Variants in DIP2C observed in about 807,000 individuals in gnomAD.
DIP2C encodes the protein DIP2 acetate--CoA ligase C (putative).
Under a neutral mutation model 192.4 loss-of-function variants are expected in DIP2C, and 33 were observed. The ratio of observed to expected loss-of-function variants is 0.17; its 90% confidence interval spans 0.13 to 0.23. The LOEUF (loss-of-function observed/expected upper bound fraction) is 0.23. DIP2C is among the 10% of genes least tolerant of loss of function. The pLI is 1.00. For missense variants in DIP2C, 1,537 were observed against 2,110.1 expected (o/e 0.73, Z 5.32); for synonymous variants, 979 against 864.1 (o/e 1.13, Z -2.33).
Position 407,171 on chromosome 10 carries a change from C to T in DIP2C, c.1149+1755G>A, listed in dbSNP as rs559150831. The stretch of plus-strand genomic sequence containing the variant: ...CCCGTCTAGACAAATCGGCTCTGGC[C>T]AGGCAGCGGGCAAGGTGAACTGTTG... On this transcript the variant is annotated intron_variant, in intron 9 of 36. Transcript: ENST00000280886. 9.2e-5 allele frequency among the ~76,000 whole-genome samples: 14 copies of T among 152,322 alleles called. No individual in the cohort carries two copies. In the South Asian group the frequency reaches 2.1e-3, roughly 23 times the overall value.
intron 29 of DIP2C, among the ~76,000 whole-genome samples, chr10:331,883 G>A (rs1312161726): frequency 1.3e-5 from 2 of 151,056 alleles, no homozygotes; most frequent in Non-Finnish European, 2.9e-5. Context: ...ATTTTACTGT[G>A]GTAAAACATA....
chr10:560,969 G>A (rs1056718163), intron 1 of DIP2C, among the ~76,000 whole-genome samples: 3 of 152,036 alleles, frequency 2.0e-5, no homozygotes, highest in African/African-American at 4.8e-5. Context: ...CCCCTTAATC[G>A]TACAACTCTC....
At position 329,559 on chromosome 10, in the gene DIP2C, C is replaced by T. The variant is rs1409924653; in HGVS notation, c.3627G>A (p.Glu1209=). Residue 1209 remains glutamate (E), a synonymous_variant, in exon 30 of 37, where the codon GAG becomes GAA. Coordinates refer to ENST00000280886, the MANE Select transcript of DIP2C (RefSeq NM_014974.3). ...GHQSILIPPS[E]LETNPALWLL... The stretch of plus-strand genomic sequence containing the variant: ...GCCACAAGGCGGGGTTGGTTTCCAG[C>T]TCAGAGGGCGGGATCAGGATGGACT... 2.5e-6 allele frequency: 4 copies of T among 1,614,074 alleles called. No individual in the cohort carries two copies. The African/African-American group carries it at 5.3e-5, about 22-fold the overall frequency.
At chr10:439,147 C>T (rs1220024911) in intron 4 of DIP2C, among the ~76,000 whole-genome samples, 1 of 152,162 alleles carries the variant, frequency 6.6e-6, no homozygotes, top group African/African-American at 2.4e-5. Flanking sequence ...TGCCTAGCCC[C>T]TAATTACGTG....
intron 17 of DIP2C, 164 bp downstream of exon 17, chr10:382,483 G>C (rs1272075058): frequency 1.7e-6 from 1 of 590,318 alleles, no homozygotes; most frequent in Non-Finnish European, 3.0e-6. Context: ...CTGTTCAAAA[G>C]AATCTGTTCC....
At chr10:569,032 G>T (rs1459909459) in intron 1 of DIP2C, among the ~76,000 whole-genome samples, 1 of 152,192 alleles carries the variant, frequency 6.6e-6, no homozygotes, top group African/African-American at 2.4e-5. Flanking sequence ...CTGAACCAAT[G>T]AAGTGGGCTC....
chr10:335,863 G>A (rs1203420769), intron 29 of DIP2C, among the ~76,000 whole-genome samples: 1 of 152,118 alleles, frequency 6.6e-6, no homozygotes, highest in Non-Finnish European at 1.5e-5. Context: ...CTGAATAGTT[G>A]GAAAATTTCC....
At chr10:432,279 T>C (rs1966866486) in intron 4 of DIP2C, among the ~76,000 whole-genome samples, 1 of 152,218 alleles carries the variant, frequency 6.6e-6, no homozygotes, top group African/African-American at 2.4e-5. Context: ...ATAATTTCTT[T>C]TAGATGTTTG....
chr10:607,393 G>C (rs966325114), intron 1 of DIP2C, among the ~76,000 whole-genome samples: 1 of 152,206 alleles, frequency 6.6e-6, no homozygotes, highest in African/African-American at 2.4e-5. Context: ...CATTCCAGGA[G>C]CCGCCTACAT....
intron 1 of DIP2C, among the ~76,000 whole-genome samples, chr10:578,675 G>A (rs1335361615): frequency 6.6e-6 from 1 of 152,172 alleles, no homozygotes; most frequent in Non-Finnish European, 1.5e-5. Context: ...CCCTATTCCT[G>A]TTGCCATAGA....
chr10:585,997 G>A (rs538714413), intron 1 of DIP2C, among the ~76,000 whole-genome samples: 3 of 152,190 alleles, frequency 2.0e-5, no homozygotes, highest in South Asian at 2.1e-4. Context: ...GTGTCTCAAC[G>A]GGCCTCAAGG....
intron 1 of DIP2C, among the ~76,000 whole-genome samples, chr10:517,471 T>A (rs1008022120): frequency 1.3e-5 from 2 of 152,124 alleles, no homozygotes; most frequent in Non-Finnish European, 1.5e-5. Flanking sequence ...GAAAGCTCCA[T>A]GAAGACAGGG....
chr10:619,101 G>A (rs1006099973), intron 1 of DIP2C, among the ~76,000 whole-genome samples: 1 of 152,158 alleles, frequency 6.6e-6, no homozygotes, highest in African/African-American at 2.4e-5. Context: ...TCAGTTATGT[G>A]AGGAAAGGCA....
chr10:424,286 A>ATT (rs34281389), intron 4 of DIP2C, among the ~76,000 whole-genome samples: 1 of 149,798 alleles, frequency 6.7e-6, no homozygotes, highest in Non-Finnish European at 1.5e-5. Context: ...CTGTCTGGGA[A>ATT]TTTTTTTAAA....
chr10:331,294 T>G (rs1040101479), intron 29 of DIP2C, among the ~76,000 whole-genome samples: 1 of 152,204 alleles, frequency 6.6e-6, no homozygotes, highest in African/African-American at 2.4e-5. Flanking sequence ...GCTAACAAAA[T>G]TTATTTCAAA....
At chr10:460,211 G>A (rs1225658675) in intron 3 of DIP2C, among the ~76,000 whole-genome samples, 1 of 152,186 alleles carries the variant, frequency 6.6e-6, no homozygotes, top group Non-Finnish European at 1.5e-5. Flanking sequence ...CAAGTCTCCA[G>A]GTTTTCTTTT....
intron 3 of DIP2C, among the ~76,000 whole-genome samples, chr10:456,542 G>A (rs1359928683): frequency 6.6e-6 from 1 of 152,252 alleles, no homozygotes; most frequent in East Asian, 1.9e-4. Context: ...CACTCTGCAA[G>A]TGCAAGAGCT....
chr10:618,996 CCTCA>C (rs1419175103), intron 1 of DIP2C, among the ~76,000 whole-genome samples: 13 of 152,322 alleles, frequency 8.5e-5, no homozygotes, highest in East Asian at 5.8e-4. Flanking sequence ...TCATTTCAGC[CCTCA>C]CTGTGTTCTG....
At chr10:307,948 C>T (rs1261621143) in intron 32 of DIP2C, among the ~76,000 whole-genome samples, 17 of 150,466 alleles carry the variant, frequency 1.1e-4, no homozygotes, top group Middle Eastern at 3.4e-3. Context: ...GGGCGGGGCC[C>T]GGCACACGGT....
Sources: allele counts gnomAD v4.1 joint callset (sites outside exome capture counted in the v4.1 genomes callset), GRCh38; gene constraint gnomAD v4.1.1; transcripts MANE v1.5; gene names NCBI Gene and HGNC (gene_info 2026-07-23, HGNC 2026-07-21).